GRID1: variants seen among roughly 807,000 people sequenced by gnomAD.
GRID1 encodes the protein glutamate ionotropic receptor delta type subunit 1.
GRID1 carries 28 observed loss-of-function variants against 98.0 expected under a neutral mutation model. That is an observed-to-expected ratio of 0.29 (90% CI 0.21 to 0.39). GRID1 has a LOEUF of 0.39. Ranked by LOEUF, GRID1 falls within the 10% of genes least tolerant of loss-of-function variation. The pLI, the probability that GRID1 is intolerant of heterozygous loss-of-function variation, is 1.00. For synonymous variants in GRID1, 553 were observed against 538.5 expected (o/e 1.03, Z -0.37); for missense variants, 1,111 against 1,340.5 (o/e 0.83, Z 2.67).
intron 15 of GRID1, among the ~76,000 whole-genome samples, chr10:85,603,278 C>T (rs1842608839): frequency 6.6e-6 from 1 of 152,186 alleles, no homozygotes; most frequent in South Asian, 2.1e-4. Flanking sequence ...GACCTGTGTC[C>T]TCCCTGTGCA....
intron 4 of GRID1, among the ~76,000 whole-genome samples, chr10:85,963,173 C>T (rs1395572381): frequency 3.3e-5 from 5 of 151,814 alleles, no homozygotes; most frequent in Admixed American, 2.6e-4. Flanking sequence ...AGGCTCATGG[C>T]TTTCTTCATG....
rs112478758 is a variant in GRID1 at position 85,818,963 on chromosome 10, C to T, written c.1233+35533G>A. ...CTCAAACTCCTGAGCTTGAGTGATC[C>T]GCCCGCCTCAGCCTCCCAAAGTGCT... On this transcript the variant is annotated intron_variant, in intron 8 of 15. Coordinates refer to ENST00000327946, the MANE Select transcript of GRID1 (RefSeq NM_017551.3). Among the ~76,000 whole-genome samples the T allele has an allele frequency of 5.7e-3, 874 of 152,120 alleles. 8 individuals carry two copies. The highest frequency in any genetic ancestry group is 0.02 in the African/African-American group (816 of 41,480).
At position 86,363,990 on chromosome 10, in the gene GRID1, G is replaced by A. The variant is rs779254785; in HGVS notation, c.186C>T (p.Tyr62=). ...DDILQSEKIT[Y]SIKVIEANNP... is the part of the protein sequence containing the mutation. ...TGTTGGCCTCGATGACCTTGATGGA[G>A]TAGGTGATCTTCTCGCTCTGCAGGA... Residue 62 remains tyrosine (Y), a synonymous_variant, in exon 2 of 16, where the codon TAC becomes TAT. Transcript: ENST00000327946. 1.9e-6 allele frequency: 3 copies of A among 1,613,958 alleles called. No individual in the cohort carries two copies. Among genetic ancestry groups the A allele is most frequent in the Non-Finnish European group, 1.7e-6 (2 of 1,179,780 alleles).
At chr10:85,807,320 G>A (rs1842631649) in intron 8 of GRID1, among the ~76,000 whole-genome samples, 1 of 151,170 alleles carries the variant, frequency 6.6e-6, no homozygotes, top group African/African-American at 2.4e-5. Context: ...ACTGCACTCT[G>A]GTCTGGATGG....
intron 8 of GRID1, among the ~76,000 whole-genome samples, chr10:85,732,057 G>A (rs1235826097): frequency 1.3e-5 from 2 of 152,170 alleles, no homozygotes; most frequent in Non-Finnish European, 2.9e-5. Flanking sequence ...GACAAATTCA[G>A]ACAAATGGGG....
chr10:86,231,440 G>A (rs1174602530), intron 2 of GRID1, among the ~76,000 whole-genome samples: 2 of 152,164 alleles, frequency 1.3e-5, no homozygotes, highest in Non-Finnish European at 2.9e-5. Context: ...CAGGCCACAG[G>A]TAACCCTATT....
Position 85,997,643 on chromosome 10 carries a change from A to G in GRID1, c.727-81404T>C, listed in dbSNP as rs193010952. 7.2e-3 allele frequency among the ~76,000 whole-genome samples: 1,102 copies of G among 152,324 alleles called. 17 individuals are homozygous for G. The highest frequency in any genetic ancestry group is 0.025 in the African/African-American group (1,038 of 41,570). On this transcript the variant is annotated intron_variant, in intron 4 of 15. Transcript: ENST00000327946. ...GTAAAAAATGTTTTAATAACCCAAA[A>G]GAAGGCAGAAAATAGCAAAAGACAA...
At chr10:86,170,617 T>C (rs974140462) in intron 3 of GRID1, among the ~76,000 whole-genome samples, 5 of 152,202 alleles carry the variant, frequency 3.3e-5, no homozygotes, top group African/African-American at 1.2e-4. Flanking sequence ...GAGCCTGCCA[T>C]GGCTATGCAC....
At chr10:85,763,683 T>C (rs1028722908) in intron 8 of GRID1, among the ~76,000 whole-genome samples, 1 of 152,212 alleles carries the variant, frequency 6.6e-6, no homozygotes, top group African/African-American at 2.4e-5. Context: ...CCCTCCTATT[T>C]TTAAGCAGTG....
chr10:85,826,814 G>T (rs1842824480), intron 8 of GRID1, among the ~76,000 whole-genome samples: 1 of 152,118 alleles, frequency 6.6e-6, no homozygotes, highest in African/African-American at 2.4e-5. Flanking sequence ...CAAAGCTGGG[G>T]GCCTGGCACC....
intron 4 of GRID1, among the ~76,000 whole-genome samples, chr10:86,080,464 GAGGGA>G (rs1564668795): frequency 6.7e-5 from 2 of 30,072 alleles, no homozygotes; most frequent in East Asian, 2.0e-3. Context: ...GAGGGGAGGG[GAGGGA>G]AGGGAAGGGA....
chr10:86,043,119 A>G (rs1282154497), intron 4 of GRID1, among the ~76,000 whole-genome samples: 3 of 152,130 alleles, frequency 2.0e-5, no homozygotes, highest in African/African-American at 7.2e-5. Context: ...ATTTTATTAG[A>G]CATCAGAGAG....
At chr10:86,062,702 C>A (rs1232910376) in intron 4 of GRID1, among the ~76,000 whole-genome samples, 1 of 152,206 alleles carries the variant, frequency 6.6e-6, no homozygotes, top group Non-Finnish European at 1.5e-5. Flanking sequence ...CATATCCCAC[C>A]AGTCATGTGC....
chr10:85,601,474 T>C lies in GRID1; in HGVS notation c.*799A>G, dbSNP rs1316361744. 6.6e-6 allele frequency: 1 copy of C among 152,110 alleles called. No individual in the cohort carries two copies. The highest frequency in any genetic ancestry group is 2.4e-5 in the African/African-American group (1 of 41,392). 9.4% of individuals were successfully genotyped at this position (152,110 alleles called of 1,614,324 possible). A position where few individuals can be genotyped will look rare whatever the true frequency, so the allele number is the denominator to read the frequency against. ...ATGGAGTCTGCCCTCCTTCCCCCAATATTCTATCACTTTTTGATTCTTCTA... is the reference window on the plus strand; with the variant it reads ...ATGGAGTCTGCCCTCCTTCCCCCAACATTCTATCACTTTTTGATTCTTCTA... On this transcript the variant is annotated 3_prime_UTR_variant, in exon 16 of 16. Coordinates refer to ENST00000327946, the MANE Select transcript of GRID1 (RefSeq NM_017551.3).
rs181995418 is a variant in GRID1 at position 86,250,707 on chromosome 10, G to A, written c.236-44059C>T. Among the ~76,000 whole-genome samples the A allele has an allele frequency of 3.7e-3, 566 of 151,594 alleles. 3 individuals are homozygous for A. The highest frequency in any genetic ancestry group is 0.013 in the African/African-American group (544 of 41,312). On this transcript the variant is annotated intron_variant, in intron 2 of 15. Transcript: ENST00000327946. ...GGTGGGGGACAGCCCCCGCCCAGCC[G>A]CCGCCCCGTCTGGGAGGTGGGGGGC...
At chr10:85,620,219 A>G (rs1178147113) in intron 13 of GRID1, among the ~76,000 whole-genome samples, 186 bp from the exon 14 acceptor site, 1 of 152,186 alleles carries the variant, frequency 6.6e-6, no homozygotes, top group Non-Finnish European at 1.5e-5. Flanking sequence ...GAGGCCACTC[A>G]CTTTGACTAG....
chr10:86,255,060 C>T (rs1846896724), intron 2 of GRID1, among the ~76,000 whole-genome samples: 1 of 152,196 alleles, frequency 6.6e-6, no homozygotes, highest in Non-Finnish European at 1.5e-5. Context: ...TCTCCCTGAT[C>T]CTTTCCCACT....
intron 4 of GRID1, among the ~76,000 whole-genome samples, chr10:85,944,805 T>C (rs978843617): frequency 1.4e-5 from 2 of 146,224 alleles, no homozygotes; most frequent in African/African-American, 2.5e-5. Context: ...GAAAGATGAA[T>C]GTGATTTACT....
chr10:85,776,245 C>T (rs1347688428), intron 8 of GRID1, among the ~76,000 whole-genome samples: 1 of 152,060 alleles, frequency 6.6e-6, no homozygotes, highest in African/African-American at 2.4e-5. Context: ...GTTATGGGCC[C>T]AGGAATAAGC....
Sources: gnomAD v4.1 joint callset for allele counts (sites outside exome capture counted in the v4.1 genomes callset) on GRCh38, gnomAD v4.1.1 for gene constraint, MANE v1.5 for transcripts, NCBI Gene and HGNC (gene_info 2026-07-23, HGNC 2026-07-21) for gene names.